Variants in SUFU observed in about 807,000 individuals in gnomAD.
The protein encoded by SUFU is SUFU negative regulator of hedgehog signaling, also known as suppressor of fused homolog.
In SUFU, 7 loss-of-function variants were observed where a neutral mutation model predicts 58.9. The ratio of observed to expected loss-of-function variants is 0.12; its 90% CI spans 0.07 to 0.22. The LOEUF is 0.22. Ranked by LOEUF, SUFU falls within the 10% of genes least tolerant of loss-of-function variation. SUFU has a pLI of 1.00. For synonymous variants in SUFU, 232 were observed against 254.8 expected (o/e 0.91, Z 0.85); for missense variants, 451 against 641.3 (o/e 0.70, Z 3.20).
chr10:102,542,166 T>A (rs576192135), intron 2 of SUFU, among the ~76,000 whole-genome samples: 1 of 137,084 alleles, frequency 7.3e-6, no homozygotes, highest in South Asian at 2.7e-4. Flanking sequence ...GGAGTCTCAC[T>A]CTGTTGCCTG....
chr10:102,612,169 T>TTGTGTGTGTG (rs34032732), intron 8 of SUFU, among the ~76,000 whole-genome samples: 95 of 148,326 alleles, frequency 6.4e-4, no homozygotes, highest in South Asian at 2.2e-3. Flanking sequence ...AACTGGGTTC[T>TTGTGTGTGTG]TGTGTGTGTG....
intron 3 of SUFU, among the ~76,000 whole-genome samples, chr10:102,582,932 T>C (rs1189354623): frequency 1.3e-5 from 2 of 152,154 alleles, no homozygotes; most frequent in Non-Finnish European, 2.9e-5. Flanking sequence ...CCCTGACTTT[T>C]CAATGAGGAT....
intron 2 of SUFU, among the ~76,000 whole-genome samples, chr10:102,545,635 T>C (rs1273178795): frequency 6.6e-6 from 1 of 152,172 alleles, no homozygotes; most frequent in Non-Finnish European, 1.5e-5. Flanking sequence ...ATAGAGGGTG[T>C]GGAGGGGCAG....
chr10:102,513,058 A>G (rs1398875345), intron 2 of SUFU, among the ~76,000 whole-genome samples: 1 of 152,100 alleles, frequency 6.6e-6, no homozygotes, highest in Non-Finnish European at 1.5e-5. Context: ...ACAGAGCGAG[A>G]CCCTATCTCA....
chr10:102,519,328 C>T lies in SUFU; in HGVS notation c.317+10025C>T, dbSNP rs982925840. Among the ~76,000 whole-genome samples, 5 of 151,644 alleles carry T rather than the reference C, an allele frequency of 3.3e-5. 1 individual carries two copies. Among genetic ancestry groups the T allele is most frequent in the South Asian group, 4.2e-4 (2 of 4,792 alleles). ...TCACCTGAGGTCGGGAGTTCGAGAC[C>T]GACCTGGCCAACATGGTGAAACCGT... On this transcript the variant is annotated intron_variant, in intron 2 of 11. Transcript: ENST00000369902.
chr10:102,630,354 C>G lies in SUFU; in HGVS notation c.*199C>G. ...CTCACCTCCAGCTCAGGGGCCGCACCCCGCCGCTGGCTAAGCCTTGTGACC... is the reference window on the plus strand; with the variant it reads ...CTCACCTCCAGCTCAGGGGCCGCACGCCGCCGCTGGCTAAGCCTTGTGACC... On this transcript the variant is annotated 3_prime_UTR_variant, in exon 12 of 12. Coordinates refer to ENST00000369902, the MANE Select transcript of SUFU (RefSeq NM_016169.4). 1.6e-6 allele frequency: 1 copy of G among 615,642 alleles called. No homozygotes were observed. Among genetic ancestry groups the G allele is most frequent in the East Asian group, 2.8e-5 (1 of 35,852 alleles). The allele number at this position is 615,642 out of a possible 1,614,324, so 38.1% of individuals were successfully genotyped here.
At position 102,598,321 on chromosome 10, in the gene SUFU, T is replaced by C. The variant is rs377474454; in HGVS notation, c.910+1028T>C. Among the ~76,000 whole-genome samples, 56 of 152,214 alleles carry C rather than the reference T, an allele frequency of 3.7e-4. 1 individual carries two copies. The highest frequency in any genetic ancestry group is 2.5e-3 in the East Asian group (13 of 5,170). ...GCGTGAGCCACCAACGCCCAGCTAA[T>C]TTTTGTATTTTTTTGTAGAGTCAGG... On this transcript the variant is annotated intron_variant, in intron 7 of 11. Transcript: ENST00000369902.
At chr10:102,599,641 C>T in intron 8 of SUFU, 97 bp downstream of exon 8, 1 of 1,060,746 alleles carries the variant, frequency 9.4e-7, no homozygotes, top group Admixed American at 1.9e-5. Flanking sequence ...ATGCACATAG[C>T]CCTTGCTGGA....
chr10:102,560,210 TCA>T (rs2063022432), intron 3 of SUFU, among the ~76,000 whole-genome samples: 1 of 152,218 alleles, frequency 6.6e-6, no homozygotes, highest in African/African-American at 2.4e-5. Context: ...ATTCATTCCC[TCA>T]CAGAGAAAAC....
chr10:102,595,127 C>T (rs531605207), intron 6 of SUFU, among the ~76,000 whole-genome samples: 18 of 152,294 alleles, frequency 1.2e-4, no homozygotes, highest in Non-Finnish European at 2.4e-4. Flanking sequence ...AAATGCAGGT[C>T]ATTGCCATCT....
At chr10:102,555,251 G>T (rs2062962631) in intron 3 of SUFU, among the ~76,000 whole-genome samples, 1 of 111,090 alleles carries the variant, frequency 9.0e-6, no homozygotes, top group Non-Finnish European at 1.7e-5. Flanking sequence ...CTGGGCGTCA[G>T]AGTGAGACTC....
chr10:102,517,676 T>G (rs1458436718), intron 2 of SUFU, among the ~76,000 whole-genome samples: 9 of 152,200 alleles, frequency 5.9e-5, no homozygotes. Flanking sequence ...AGGTATTCAG[T>G]GCAGCTTCAT....
rs555366345 is a variant in SUFU, at chr10:102,619,039, CT to C, written c.1296+1612del. The stretch of plus-strand genomic sequence containing the variant: ...CTGGGGCCTCCCCAAACTGCAGAAT[CT>C]ACCCAGTTATGTTTGACATCCTCAG... On this transcript the variant is annotated intron_variant, in intron 10 of 11. Transcript: ENST00000369902. This position sits in a 1 kb window ranked among gnomAD's most constrained non-coding sequence, Gnocchi z 4.2. 1.5e-4 allele frequency: 248 copies of C among 1,611,706 alleles called. 1 individual carries two copies. The African/African-American group carries it at 2.9e-3, about 19-fold the overall frequency.
chr10:102,602,021 C>G (rs1251252768), intron 8 of SUFU, among the ~76,000 whole-genome samples: 4 of 152,220 alleles, frequency 2.6e-5, no homozygotes, highest in Admixed American at 2.6e-4. Flanking sequence ...TGGGCAATAG[C>G]AGCCGGGTGC....
chr10:102,514,694 C>T (rs906773910), intron 2 of SUFU, among the ~76,000 whole-genome samples: 1 of 152,202 alleles, frequency 6.6e-6, no homozygotes, highest in African/African-American at 2.4e-5. Context: ...TCTGGCCTTC[C>T]CCTTCATGGC....
At chr10:102,505,943 T>A (rs1589972045) in intron 1 of SUFU, among the ~76,000 whole-genome samples, 1 of 150,168 alleles carries the variant, frequency 6.7e-6, no homozygotes, top group East Asian at 2.0e-4. Flanking sequence ...GGCTCATGCA[T>A]GTATTCCCAC....
At chr10:102,602,642 C>T (rs2063525009) in intron 8 of SUFU, among the ~76,000 whole-genome samples, 1 of 152,244 alleles carries the variant, frequency 6.6e-6, no homozygotes. Context: ...ACAACCCTCT[C>T]TCTGGTCCCT....
intron 8 of SUFU, among the ~76,000 whole-genome samples, chr10:102,602,382 A>C (rs976562101): frequency 6.6e-6 from 1 of 152,196 alleles, no homozygotes; most frequent in Non-Finnish European, 1.5e-5. Flanking sequence ...TACTGGTAGA[A>C]TTCATCTAAC....
At chr10:102,512,533 G>C (rs1407242538) in intron 2 of SUFU, among the ~76,000 whole-genome samples, 2 of 152,180 alleles carry the variant, frequency 1.3e-5, no homozygotes, top group Non-Finnish European at 2.9e-5. Context: ...ATTTGAAATA[G>C]GACCTTTCTT....
Sources: gnomAD v4.1 joint callset for allele counts (sites outside exome capture counted in the v4.1 genomes callset) on GRCh38, gnomAD v4.1.1 for gene constraint, Gnocchi (gnomAD v3.1) non-coding constraint, MANE v1.5 for transcripts, NCBI Gene and HGNC (gene_info 2026-07-23, HGNC 2026-07-21) for gene names.